ARL15: variants seen among roughly 807,000 people sequenced by gnomAD.
ARL15 encodes the protein ARF like GTPase 15.
ARL15 carries 19 observed loss-of-function variants against 25.2 expected under a neutral mutation model. The observed-to-expected ratio is 0.75, with a 90% CI of 0.53 to 1.10. The LOEUF is 1.10. Ranked by LOEUF, ARL15 falls within the 50% of genes least tolerant of loss-of-function variation. The pLI, the probability that ARL15 is intolerant of heterozygous loss-of-function variation, is 0.00. For missense variants in ARL15, 220 were observed against 246.0 expected, an observed-to-expected ratio of 0.89 and a Z score of 0.71; for synonymous variants, 94 against 86.8, an observed-to-expected ratio of 1.08 and a Z score of -0.46.
intron 4 of ARL15, 126 bp downstream of exon 4, chr5:54,113,076 C>T: frequency 1.1e-6 from 1 of 923,540 alleles, no homozygotes; most frequent in Non-Finnish European, 1.6e-6. Context: ...CCTATGAAAA[C>T]TAAGGTTTCA....
intron 1 of ARL15, among the ~76,000 whole-genome samples, chr5:54,273,675 T>C (rs1407715344): frequency 6.6e-6 from 1 of 152,148 alleles, no homozygotes. Context: ...CTCAGTAAAA[T>C]GAGGATAGTA....
chr5:54,056,128 G>A (rs1750863209), intron 4 of ARL15, among the ~76,000 whole-genome samples: 1 of 152,144 alleles, frequency 6.6e-6, no homozygotes, highest in Non-Finnish European at 1.5e-5. Context: ...TCACATACGA[G>A]TTCTGCTTTT....
At chr5:54,063,068 C>T (rs1426606553) in intron 4 of ARL15, among the ~76,000 whole-genome samples, 1 of 152,156 alleles carries the variant, frequency 6.6e-6, no homozygotes, top group Non-Finnish European at 1.5e-5. Flanking sequence ...TTCTACATAA[C>T]TTCAAAAAGA....
chr5:54,149,152 G>A (rs1005192369), intron 3 of ARL15, among the ~76,000 whole-genome samples: 2 of 152,160 alleles, frequency 1.3e-5, no homozygotes, highest in Non-Finnish European at 2.9e-5. Flanking sequence ...AGTACATAAG[G>A]CAAATGCAAA....
At chr5:54,212,709 T>C (rs1024159103) in intron 1 of ARL15, among the ~76,000 whole-genome samples, 9 of 152,232 alleles carry the variant, frequency 5.9e-5, no homozygotes, top group Admixed American at 3.9e-4. Flanking sequence ...AAAGAAAATA[T>C]GCTTTCTTAG....
chr5:54,293,272 C>T (rs1358140201), intron 1 of ARL15, among the ~76,000 whole-genome samples: 1 of 152,148 alleles, frequency 6.6e-6, no homozygotes, highest in East Asian at 1.9e-4. Context: ...TTTGATAAGC[C>T]TTCAGTTCTC....
At chr5:54,278,162 A>G (rs1204412902) in intron 1 of ARL15, among the ~76,000 whole-genome samples, 2 of 152,208 alleles carry the variant, frequency 1.3e-5, no homozygotes, top group African/African-American at 2.4e-5. Flanking sequence ...GTGTTATTAT[A>G]GTTCCCAACG....
intron 1 of ARL15, among the ~76,000 whole-genome samples, chr5:54,300,765 T>A (rs1373080334): frequency 6.6e-6 from 1 of 152,218 alleles, no homozygotes; most frequent in Non-Finnish European, 1.5e-5. Context: ...CATTTCTGGA[T>A]CAGGACATCT....
At chr5:54,191,372 T>G (rs771742004) in intron 1 of ARL15, among the ~76,000 whole-genome samples, 17 of 152,208 alleles carry the variant, frequency 1.1e-4, no homozygotes, top group Admixed American at 9.2e-4. Context: ...TGAATAAGAG[T>G]TATGAAGATG....
chr5:53,952,218 C>T (rs563199794), intron 4 of ARL15, among the ~76,000 whole-genome samples: 5 of 152,132 alleles, frequency 3.3e-5, no homozygotes, highest in East Asian at 3.9e-4. Flanking sequence ...GTTGAGATCA[C>T]GCCACTGCAC....
intron 2 of ARL15, among the ~76,000 whole-genome samples, chr5:54,158,698 C>T (rs1364255151): frequency 6.6e-6 from 1 of 152,082 alleles, no homozygotes; most frequent in Non-Finnish European, 1.5e-5. Context: ...GATGGTGAAA[C>T]CCCGTCTCTA....
intron 1 of ARL15, among the ~76,000 whole-genome samples, chr5:54,177,409 A>G (rs1417261322): frequency 6.6e-6 from 1 of 152,252 alleles, no homozygotes; most frequent in East Asian, 1.9e-4. Flanking sequence ...ATGTGCTTAA[A>G]AAGGAAGGTG....
chr5:54,199,272 G>T (rs1026198708), intron 1 of ARL15, among the ~76,000 whole-genome samples: 1 of 152,028 alleles, frequency 6.6e-6, no homozygotes, highest in African/African-American at 2.4e-5. Context: ...AAAAGCAATG[G>T]CAACAAAAGC....
chr5:54,205,389 C>T (rs1425824450), intron 1 of ARL15, among the ~76,000 whole-genome samples: 2 of 152,118 alleles, frequency 1.3e-5, no homozygotes, highest in Admixed American at 6.6e-5. Flanking sequence ...CTGCATTGCA[C>T]TGCCTGTTAG....
intron 4 of ARL15, among the ~76,000 whole-genome samples, chr5:54,063,880 A>G (rs542201796): frequency 6.6e-6 from 1 of 152,320 alleles, no homozygotes; most frequent in East Asian, 1.9e-4. Flanking sequence ...TGATGTTAGC[A>G]AGCTTCTTTC....
chr5:54,257,509 A>G (rs1299560192), intron 1 of ARL15, among the ~76,000 whole-genome samples: 1 of 152,174 alleles, frequency 6.6e-6, no homozygotes, highest in East Asian at 1.9e-4. Context: ...TCCTATTTGG[A>G]AGCCCAGTCG....
intron 4 of ARL15, among the ~76,000 whole-genome samples, chr5:53,961,704 T>C (rs1285693224): frequency 1.3e-5 from 2 of 152,154 alleles, no homozygotes; most frequent in African/African-American, 4.8e-5. Flanking sequence ...GAGAAAGGCA[T>C]GAAACATAAA....
chr5:54,015,190 C>T (rs1749384222), intron 4 of ARL15, among the ~76,000 whole-genome samples: 1 of 151,662 alleles, frequency 6.6e-6, no homozygotes, highest in Admixed American at 6.6e-5. Flanking sequence ...ACTCAGGAGG[C>T]TGAGGCAGGA....
intron 3 of ARL15, among the ~76,000 whole-genome samples, chr5:54,123,849 A>G (rs1753164833): frequency 6.6e-6 from 1 of 152,248 alleles, no homozygotes; most frequent in Non-Finnish European, 1.5e-5. Flanking sequence ...ACTTTAAAAT[A>G]TAAGTGTTAA....
Sources: allele counts gnomAD v4.1 joint callset (sites outside exome capture counted in the v4.1 genomes callset), GRCh38; gene constraint gnomAD v4.1.1; transcripts MANE v1.5; gene names NCBI Gene and HGNC (gene_info 2026-07-23, HGNC 2026-07-21).